Variants in PDGFRA observed in about 807,000 individuals in gnomAD.
The protein encoded by PDGFRA is platelet-derived growth factor receptor alpha.
In PDGFRA, 25 loss-of-function variants were observed where a neutral mutation model predicts 121.5. The observed-to-expected ratio is 0.21, with a 90% CI of 0.15 to 0.29. The LOEUF (loss-of-function observed/expected upper bound fraction) is 0.29, where lower values mean the gene tolerates loss of function less well. Ranked by LOEUF, PDGFRA falls within the 10% of genes least tolerant of loss-of-function variation. PDGFRA has a pLI of 1.00. For missense variants in PDGFRA, 1,008 were observed against 1,345.1 expected, an observed-to-expected ratio of 0.75 and a Z score of 3.92; for synonymous variants, 463 against 494.8, an observed-to-expected ratio of 0.94 and a Z score of 0.85.
chr4:54,241,985 G>A (rs1341145121), intron 1 of PDGFRA, among the ~76,000 whole-genome samples: 1 of 152,150 alleles, frequency 6.6e-6, no homozygotes, highest in Non-Finnish European at 1.5e-5. Context: ...TGTTTCCTTT[G>A]AAGGCCTCTC....
rs541997302 is a variant in PDGFRA at position 54,244,100 on chromosome 4, G to A, written c.-12-14657G>A. 1.4e-4 allele frequency among the ~76,000 whole-genome samples: 22 copies of A among 152,370 alleles called. No homozygotes were observed. The East Asian group carries it at 4.3e-3, about 29-fold the overall frequency. Reference sequence around the variant, plus strand: ...GGTGGAGCCCACCACAGCTCAAGGAGGCCTGCCTGCCTCTGTAGGCTCCAT... The same window carrying A: ...GGTGGAGCCCACCACAGCTCAAGGAAGCCTGCCTGCCTCTGTAGGCTCCAT... On this transcript the variant is annotated intron_variant, in intron 1 of 22. Transcript: ENST00000257290.
At position 54,240,348 on chromosome 4, in the gene PDGFRA, A is replaced by T. The variant is rs1015322963; in HGVS notation, c.-13+10933A>T. Among the ~76,000 whole-genome samples, 12 of 152,274 alleles carry T rather than the reference A, an allele frequency of 7.9e-5. No homozygotes were observed. In the East Asian group the frequency reaches 9.7e-4, roughly 12 times the overall value. On this transcript the variant is annotated intron_variant, in intron 1 of 22. Transcript: ENST00000257290. ...TGTAGCTCCAATTATGTTAGGTCTC[A>T]TGCTTTTGGGTTTCACTATTGGCCA...
At chr4:54,293,064 TTCTG>T in intron 22 of PDGFRA, among the ~76,000 whole-genome samples, 1 of 152,252 alleles carries the variant, frequency 6.6e-6, no homozygotes, top group African/African-American at 2.4e-5. Flanking sequence ...ACTTGTTTTG[TTCTG>T]TCTGAGATCC....
In PDGFRA at chr4:54,277,433, C is replaced by G. The variant is rs1406857066; in HGVS notation, c.1832C>G (p.Thr611Arg). The change falls in exon 13 of 23, where the codon ACA becomes AGA. Residue 611 changes from threonine to arginine, a missense_variant. By Grantham distance (71) the Thr-to-Arg change is moderately conservative (BLOSUM62 -1). Around this residue, in one of 5 missense-constraint regions of PDGFRA, gnomAD observed 61 missense variants for 125.3 expected, o/e 0.49. Coordinates refer to ENST00000257290, the MANE Select transcript of PDGFRA (RefSeq NM_006206.6). ...GCGTTTGGGAAGGTGGTTGAAGGAACAGCCTATGGATTAAGCCGGTCCCAA... is the reference window on the plus strand; with the variant it reads ...GCGTTTGGGAAGGTGGTTGAAGGAAGAGCCTATGGATTAAGCCGGTCCCAA... The part of the protein sequence containing the change: ...SGAFGKVVEG[T>R]AYGLSRSQPV... 3 of 1,613,986 alleles carry G rather than the reference C, an allele frequency of 1.9e-6. No individual in the cohort carries two copies. Among genetic ancestry groups the G allele is most frequent in the Non-Finnish European group, 2.5e-6 (3 of 1,179,998 alleles).
intron 17 of PDGFRA, 53 bp from the exon 18 acceptor site, chr4:54,285,788 C>A (rs535803765): frequency 1.3e-6 from 2 of 1,500,510 alleles, no homozygotes; most frequent in South Asian, 1.1e-5. Context: ...AGGGGTGATG[C>A]TATTCAGCTA....
chr4:54,288,179 T>C (rs1724447441), intron 19 of PDGFRA, among the ~76,000 whole-genome samples: 1 of 152,184 alleles, frequency 6.6e-6, no homozygotes, highest in African/African-American at 2.4e-5. Context: ...AAAGGAGTCC[T>C]GGAATAGTGT....
At chr4:54,247,041 G>A (rs1391147417) in intron 1 of PDGFRA, among the ~76,000 whole-genome samples, 2 of 152,006 alleles carry the variant, frequency 1.3e-5, no homozygotes, top group Non-Finnish European at 2.9e-5. Context: ...TCTCTGAATA[G>A]ACCAATAACA....
chr4:54,254,237 T>G (rs1362717503), intron 1 of PDGFRA, among the ~76,000 whole-genome samples: 9 of 152,208 alleles, frequency 5.9e-5, no homozygotes, highest in African/African-American at 2.2e-4. Context: ...ACTGCCATTA[T>G]GCATGAGTAA....
At chr4:54,284,425 G>A (rs953813218) in intron 16 of PDGFRA, among the ~76,000 whole-genome samples, 1 of 152,100 alleles carries the variant, frequency 6.6e-6, no homozygotes. Flanking sequence ...AAAGAAAAGA[G>A]GTTTCATTGG....
intron 9 of PDGFRA, among the ~76,000 whole-genome samples, chr4:54,273,177 AG>A (rs758264666): frequency 3.3e-5 from 5 of 152,110 alleles, no homozygotes; most frequent in Non-Finnish European, 7.4e-5. Context: ...TTGAGAAGGG[AG>A]GGCTCCAGGC....
chr4:54,266,432 G>C (rs762576649), intron 5 of PDGFRA, among the ~76,000 whole-genome samples: 2 of 141,406 alleles, frequency 1.4e-5, no homozygotes, highest in African/African-American at 2.6e-5. Context: ...TTGTTGTGGA[G>C]ATGAGGATCT....
intron 14 of PDGFRA, 121 bp from the exon 15 acceptor site, chr4:54,278,241 A>T: frequency 1.5e-6 from 1 of 687,152 alleles, no homozygotes. Context: ...AAAAAAAAAA[A>T]AAAAAAAAAA....
At chr4:54,259,536 G>A (rs565418228) in intron 2 of PDGFRA, among the ~76,000 whole-genome samples, 76 of 152,324 alleles carry the variant, frequency 5.0e-4, no homozygotes, top group African/African-American at 1.8e-3. Flanking sequence ...GTTGAAGTGT[G>A]TATTGGACTG....
chr4:54,245,892 A>G (rs1422643731), intron 1 of PDGFRA, among the ~76,000 whole-genome samples: 1 of 152,122 alleles, frequency 6.6e-6, no homozygotes, highest in East Asian at 1.9e-4. Context: ...ATGGAAAACA[A>G]AAAAAGGCAG....
In PDGFRA at chr4:54,280,443, T is replaced by G; in HGVS notation, c.2284T>G (p.Tyr762Asp). The change falls in exon 16 of 23, where the codon TAT becomes GAT. Residue 762 changes from tyrosine to aspartate, a missense_variant. This residue lies in a region of PDGFRA where 128 missense variants were observed against 147.6 expected (regional missense o/e 0.87). Transcript: ENST00000257290. The stretch of plus-strand genomic sequence containing the variant: ...ATATTCCGACATCCAGAGATCACTC[T>G]ATGATCGTCCAGCCTCATATAAGAA... ...SKYSDIQRSLYDRPASYKKKS... is the reference protein window; with the variant it reads ...SKYSDIQRSLDDRPASYKKKS... 1 of 1,613,848 alleles carries G rather than the reference T, an allele frequency of 6.2e-7. No homozygotes were observed. The highest frequency in any genetic ancestry group is 8.5e-7 in the Non-Finnish European group (1 of 1,179,704).
intron 11 of PDGFRA, 102 bp downstream of exon 11, chr4:54,274,727 T>C: frequency 6.9e-7 from 1 of 1,440,934 alleles, no homozygotes; most frequent in Non-Finnish European, 9.8e-7. Context: ...AGCAATTACA[T>C]GTGGAGTGAA....
At chr4:54,241,044 A>G (rs1721269167) in intron 1 of PDGFRA, among the ~76,000 whole-genome samples, 1 of 152,222 alleles carries the variant, frequency 6.6e-6, no homozygotes, top group Non-Finnish European at 1.5e-5. Flanking sequence ...AAATAAGTCC[A>G]AGCATTTCTC....
Position 54,296,547 on chromosome 4 carries a change from G to A in PDGFRA, c.*1275G>A. The A allele has an allele frequency of 4.3e-6, 1 of 232,646 alleles. No individual in the cohort carries two copies. The highest frequency in any genetic ancestry group is 8.5e-6 in the Non-Finnish European group (1 of 117,788). 14.4% of individuals were successfully genotyped at this position (232,646 alleles called of 1,614,324 possible). On this transcript the variant is annotated 3_prime_UTR_variant, in exon 23 of 23. Transcript: ENST00000257290. ...GAGACCATAAAGATATTCTTTAGTGGAGGCTGGATGTGCATTAGCCTGGAT... is the reference window on the plus strand; with the variant it reads ...GAGACCATAAAGATATTCTTTAGTGAAGGCTGGATGTGCATTAGCCTGGAT...
rs922840456 is a variant in PDGFRA, at chr4:54,298,019, A to G, written c.*2747A>G. The G allele has an allele frequency of 8.7e-6, 2 of 230,702 alleles. No individual in the cohort carries two copies. Among genetic ancestry groups the G allele is most frequent in the African/African-American group, 4.4e-5 (2 of 45,194 alleles). 14.3% of individuals were successfully genotyped at this position (230,702 alleles called of 1,614,324 possible). A position where few individuals can be genotyped will look rare whatever the true frequency, so the allele number is the denominator to read the frequency against. On this transcript the variant is annotated 3_prime_UTR_variant, in exon 23 of 23. Transcript: ENST00000257290. The stretch of plus-strand genomic sequence containing the variant: ...TAACTGTGATAATCCCCACAGGCAC[A>G]TTAACTGTTGCACTTTTGAATGTCC...
Sources: allele counts gnomAD v4.1 joint callset (sites outside exome capture counted in the v4.1 genomes callset), GRCh38; gene constraint gnomAD v4.1.1; regional missense constraint gnomAD v4.1.1; transcripts MANE v1.5; gene names NCBI Gene and HGNC (gene_info 2026-07-23, HGNC 2026-07-21).